PLPP1: variants seen among roughly 807,000 people sequenced by gnomAD.
PLPP1 encodes the protein phospholipid phosphatase 1.
Under a neutral mutation model 31.2 loss-of-function variants are expected in PLPP1, and 24 were observed. That is an observed-to-expected ratio of 0.77 (90% CI 0.56 to 1.08). The LOEUF is 1.08. Ranked by LOEUF, PLPP1 falls within the 50% of genes least tolerant of loss-of-function variation. PLPP1 has a pLI of 0.00. For missense variants in PLPP1, 319 were observed against 342.7 expected, an observed-to-expected ratio of 0.93 and a Z score of 0.55; for synonymous variants, 146 against 126.3, an observed-to-expected ratio of 1.16 and a Z score of -1.05.
chr5:55,506,260 T>C (rs1406711336), intron 1 of PLPP1, among the ~76,000 whole-genome samples: 3 of 95,930 alleles, frequency 3.1e-5, no homozygotes, highest in African/African-American at 1.1e-4. Flanking sequence ...TACAGCAAAT[T>C]ACTAAAAAAA....
intron 1 of PLPP1, among the ~76,000 whole-genome samples, chr5:55,499,168 C>A (rs940098476): frequency 1.3e-5 from 2 of 152,212 alleles, no homozygotes; most frequent in African/African-American, 4.8e-5. Flanking sequence ...CCAGATCCAT[C>A]CTGTTCTCTT....
chr5:55,477,943 G>C (rs13154309), intron 1 of PLPP1, among the ~76,000 whole-genome samples: 9 of 151,022 alleles, frequency 6.0e-5, no homozygotes, highest in Non-Finnish European at 1.3e-4. Flanking sequence ...TTGTGCCATG[G>C]CACTCCAGCC....
intron 1 of PLPP1, among the ~76,000 whole-genome samples, chr5:55,510,505 C>A (rs530197569): frequency 6.6e-6 from 1 of 152,330 alleles, no homozygotes; most frequent in East Asian, 1.9e-4. Flanking sequence ...ATTCACAGAA[C>A]TGTACACTAA....
chr5:55,427,317 G>C (rs1325211514), intron 4 of PLPP1, among the ~76,000 whole-genome samples: 1 of 152,134 alleles, frequency 6.6e-6, no homozygotes, highest in African/African-American at 2.4e-5. Flanking sequence ...GTCACCAAAA[G>C]CTGGCAAAGA....
intron 2 of PLPP1, among the ~76,000 whole-genome samples, chr5:55,474,827 C>T (rs556837627): frequency 2.2e-4 from 34 of 152,200 alleles, no homozygotes; most frequent in African/African-American, 7.9e-4. Flanking sequence ...AACTATTGAT[C>T]ACAAGATTAT....
intron 3 of PLPP1, among the ~76,000 whole-genome samples, chr5:55,460,527 A>G (rs1309088195): frequency 2.0e-5 from 3 of 152,230 alleles, no homozygotes; most frequent in Admixed American, 2.0e-4. Context: ...CAAAGATAGT[A>G]TAATGACATG....
chr5:55,457,915 G>A (rs1192103954), intron 3 of PLPP1, among the ~76,000 whole-genome samples: 2 of 151,446 alleles, frequency 1.3e-5, no homozygotes, highest in Non-Finnish European at 1.5e-5. Flanking sequence ...CATTTACAAT[G>A]ACATTTTCTA....
At chr5:55,501,470 A>C (rs1285820881) in intron 1 of PLPP1, among the ~76,000 whole-genome samples, 1 of 55,290 alleles carries the variant, frequency 1.8e-5, no homozygotes, top group Non-Finnish European at 6.3e-5. Context: ...GAGATCTATG[A>C]TGATTTCCTT....
chr5:55,468,844 A>C (rs1208590219), intron 2 of PLPP1, among the ~76,000 whole-genome samples: 1 of 152,094 alleles, frequency 6.6e-6, no homozygotes, highest in East Asian at 1.9e-4. Flanking sequence ...TACTTCCCCA[A>C]TCAGAAACTC....
intron 3 of PLPP1, among the ~76,000 whole-genome samples, chr5:55,460,072 C>T (rs1415141891): frequency 6.6e-6 from 1 of 151,978 alleles, no homozygotes; most frequent in African/African-American, 2.4e-5. Flanking sequence ...GGCTTCCAGT[C>T]GACAGTAGGC....
chr5:55,433,840 GA>G (rs1299986980), intron 4 of PLPP1, among the ~76,000 whole-genome samples: 3 of 151,202 alleles, frequency 2.0e-5, no homozygotes, highest in Non-Finnish European at 4.4e-5. Flanking sequence ...AGCAGAGAAA[GA>G]AATCAAGAGG....
At chr5:55,450,677 T>C (rs554086458) in intron 3 of PLPP1, among the ~76,000 whole-genome samples, 2 of 151,932 alleles carry the variant, frequency 1.3e-5, no homozygotes, top group Non-Finnish European at 2.9e-5. Context: ...TTAAGGAAAA[T>C]TCATGACCTC....
intron 2 of PLPP1, among the ~76,000 whole-genome samples, chr5:55,474,635 T>A (rs533543228): frequency 7.9e-4 from 120 of 152,354 alleles, no homozygotes; most frequent in African/African-American, 2.8e-3. Context: ...TATGATATGA[T>A]CTAAAAATTA....
At chr5:55,513,466 T>A (rs1289700760) in intron 1 of PLPP1, among the ~76,000 whole-genome samples, 1 of 151,996 alleles carries the variant, frequency 6.6e-6, no homozygotes, top group African/African-American at 2.4e-5. Flanking sequence ...GAGACAGGGT[T>A]TCACCATGTT....
chr5:55,427,098 AAAAAAAG>A (rs1304102418), intron 4 of PLPP1, among the ~76,000 whole-genome samples: 4 of 152,212 alleles, frequency 2.6e-5, no homozygotes, highest in South Asian at 4.2e-4. Context: ...AAAAAAAAAA[AAAAAAAG>A]AAAACTACCT....
intron 4 of PLPP1, among the ~76,000 whole-genome samples, chr5:55,426,676 G>A (rs766866618): frequency 5.3e-5 from 8 of 152,028 alleles, no homozygotes; most frequent in Non-Finnish European, 1.0e-4. Flanking sequence ...CCAAAGTGCT[G>A]GGATTACAGA....
chr5:55,432,190 A>C (rs1366763733), intron 4 of PLPP1, among the ~76,000 whole-genome samples: 14 of 147,756 alleles, frequency 9.5e-5, no homozygotes, highest in African/African-American at 3.6e-4. Flanking sequence ...AGGATCTCCC[A>C]CCTCGGCCTC....
At position 55,534,722 on chromosome 5, in the gene PLPP1, G is replaced by C; in HGVS notation, c.-93C>G. 7.5e-7 allele frequency: 1 copy of C among 1,328,140 alleles called. No individual in the cohort carries two copies. The highest frequency in any genetic ancestry group is 2.9e-5 in the East Asian group (1 of 33,962). The allele number at this position is 1,328,140 out of a possible 1,614,324, so 82.3% of individuals were successfully genotyped here. A position where few individuals can be genotyped will look rare whatever the true frequency, so the allele number is the denominator to read the frequency against. ...TTCTCGAGCCCGGGCCGGGGCTGGC[G>C]ACGGCCCCGAGCTACGGCCCCTCCC... On this transcript the variant is annotated 5_prime_UTR_variant, in exon 1 of 6. Transcript: ENST00000307259.
intron 3 of PLPP1, among the ~76,000 whole-genome samples, chr5:55,457,016 C>T (rs113982885): frequency 2.4e-4 from 36 of 151,918 alleles, no homozygotes; most frequent in African/African-American, 8.2e-4. Context: ...AAAAATTACC[C>T]GGGGAGGGTG....
Sources: gnomAD v4.1 joint callset for allele counts (sites outside exome capture counted in the v4.1 genomes callset) on GRCh38, gnomAD v4.1.1 for gene constraint, MANE v1.5 for transcripts, NCBI Gene and HGNC (gene_info 2026-07-23, HGNC 2026-07-21) for gene names.